Variants in PYGO1 observed in about 807,000 individuals in gnomAD.
PYGO1 encodes the protein pygopus family PHD finger 1.
PYGO1 carries 6 observed loss-of-function variants against 29.5 expected under a neutral mutation model. The observed-to-expected ratio is 0.20, with a 90% CI of 0.11 to 0.40. The LOEUF is 0.40. Among genes scored for constraint, PYGO1 ranks in the 10% least tolerant of loss-of-function variants. The pLI is 1.00. For synonymous variants in PYGO1, 186 were observed against 180.5 expected (o/e 1.03, Z -0.24); for missense variants, 515 against 514.9 (o/e 1.00, Z 0.00).
intron 1 of PYGO1, among the ~76,000 whole-genome samples, chr15:55,558,986 G>A (rs1349222912): frequency 6.6e-6 from 1 of 151,904 alleles, no homozygotes; most frequent in Non-Finnish European, 1.5e-5. Context: ...TGACAAATGG[G>A]ATCTAATTAA....
chr15:55,560,932 G>A (rs11634048), intron 1 of PYGO1, among the ~76,000 whole-genome samples: 8,189 of 152,068 alleles, frequency 0.054, 277 homozygotes, highest in Non-Finnish European at 0.068. Flanking sequence ...CAGCCTGGGC[G>A]ACAGAGCAAG....
chr15:55,564,391 T>G (rs2058946378), intron 1 of PYGO1, among the ~76,000 whole-genome samples: 1 of 152,176 alleles, frequency 6.6e-6, no homozygotes, highest in Non-Finnish European at 1.5e-5. Flanking sequence ...AAAAACAGAT[T>G]AGTAGTTGAC....
At chr15:55,562,577 G>A (rs1208800888) in intron 1 of PYGO1, among the ~76,000 whole-genome samples, 8 of 151,814 alleles carry the variant, frequency 5.3e-5, no homozygotes, top group East Asian at 1.9e-4. Flanking sequence ...AGGCTGAGGC[G>A]GAAGAATCAC....
chr15:55,560,600 C>T (rs922384141), intron 1 of PYGO1, among the ~76,000 whole-genome samples: 1 of 152,214 alleles, frequency 6.6e-6, no homozygotes, highest in African/African-American at 2.4e-5. Context: ...AATGGCCATA[C>T]TGCCCAAAGT....
intron 1 of PYGO1, among the ~76,000 whole-genome samples, chr15:55,582,981 C>T (rs951266981): frequency 1.3e-5 from 2 of 152,024 alleles, no homozygotes; most frequent in African/African-American, 2.4e-5. Context: ...CATTTCTGTA[C>T]TACTCCATTC....
chr15:55,563,629 C>T (rs562943601), intron 1 of PYGO1, among the ~76,000 whole-genome samples: 37 of 152,120 alleles, frequency 2.4e-4, no homozygotes, highest in African/African-American at 7.0e-4. Flanking sequence ...GGATTACAGG[C>T]GTGAGCCACC....
At chr15:55,557,033 C>CA (rs778755724) in intron 1 of PYGO1, among the ~76,000 whole-genome samples, 6 of 151,856 alleles carry the variant, frequency 4.0e-5, no homozygotes, top group Non-Finnish European at 8.8e-5. Flanking sequence ...CAGGACCAGA[C>CA]AGATTTACAG....
At chr15:55,576,478 AAAAAG>A (rs1341855082) in intron 1 of PYGO1, among the ~76,000 whole-genome samples, 10 of 110,322 alleles carry the variant, frequency 9.1e-5, no homozygotes, top group Admixed American at 2.9e-4. Context: ...AAAAAAAAAA[AAAAAG>A]AGAGAGGCCG....
chr15:55,561,625 G>T (rs1397446123), intron 1 of PYGO1, among the ~76,000 whole-genome samples: 1 of 151,960 alleles, frequency 6.6e-6, no homozygotes, highest in Non-Finnish European at 1.5e-5. Context: ...TAATACCTGG[G>T]GTTTACAATT....
intron 1 of PYGO1, among the ~76,000 whole-genome samples, chr15:55,554,347 C>T (rs1274291086): frequency 1.3e-5 from 2 of 151,682 alleles, no homozygotes; most frequent in African/African-American, 4.8e-5. Context: ...TGGGCACCTG[C>T]AGTCCCAGCT....
rs1252081747 is a variant in PYGO1, at chr15:55,588,272, C to T, written c.-389G>A. 6.7e-6 allele frequency among the ~76,000 whole-genome samples: 1 copy of T among 149,122 alleles called. No homozygotes were observed. Among genetic ancestry groups the T allele is most frequent in the Non-Finnish European group, 1.5e-5 (1 of 66,904 alleles). On this transcript the variant is annotated 5_prime_UTR_variant, in exon 1 of 3. Coordinates refer to ENST00000563719, the MANE Select transcript of PYGO1 (RefSeq NM_001367806.1). ...CAGGGGAAGCAGGAGGCTCGCGGCC[C>T]GGCCCTGGCGGCACACTCACAGCGC...
Position 55,557,766 on chromosome 15 carries a change from C to A in PYGO1, c.50-8771G>T, listed in dbSNP as rs563915626. Among the ~76,000 whole-genome samples the A allele has an allele frequency of 5.1e-3, 782 of 152,098 alleles. 7 individuals are homozygous for A. Among genetic ancestry groups the A allele is most frequent in the African/African-American group, 0.017 (700 of 41,496 alleles). ...ACCACATGATTATCTCAATAGATGC[C>A]GCAAAGACCTTCACAAAATTCAACA... On this transcript the variant is annotated intron_variant, in intron 1 of 2. Coordinates refer to ENST00000563719, the MANE Select transcript of PYGO1 (RefSeq NM_001367806.1).
chr15:55,550,895 G>C (rs550028769), intron 1 of PYGO1, among the ~76,000 whole-genome samples: 173 of 152,262 alleles, frequency 1.1e-3, no homozygotes, highest in Non-Finnish European at 7.6e-4. Context: ...TTTGACACCA[G>C]GGACCAGTGG....
intron 1 of PYGO1, among the ~76,000 whole-genome samples, chr15:55,555,982 AC>A (rs1292731046): frequency 2.0e-5 from 3 of 152,104 alleles, no homozygotes; most frequent in Non-Finnish European, 4.4e-5. Context: ...TGCACCCAAC[AC>A]AGGAGCACCC....
chr15:55,565,831 G>A (rs2058954028), intron 1 of PYGO1, among the ~76,000 whole-genome samples: 1 of 152,146 alleles, frequency 6.6e-6, no homozygotes, highest in South Asian at 2.1e-4. Flanking sequence ...CCACCAGGCT[G>A]GAGTGCAGTG....
rs544099435 is a variant in PYGO1, at chr15:55,575,132, A to T, written c.49+12703T>A. ...CAGAGTTGTGTCTTTCTGACTCGAA[A>T]GCCTATATATGAAGTTTTAAACTAT... On this transcript the variant is annotated intron_variant, in intron 1 of 2. Transcript: ENST00000563719. Among the ~76,000 whole-genome samples, 3 of 152,322 alleles carry T rather than the reference A, an allele frequency of 2.0e-5. No individual in the cohort carries two copies. In the South Asian group the frequency reaches 6.2e-4, roughly 32 times the overall value.
chr15:55,577,942 T>G (rs955937168), intron 1 of PYGO1, among the ~76,000 whole-genome samples: 1 of 152,020 alleles, frequency 6.6e-6, no homozygotes, highest in Non-Finnish European at 1.5e-5. Context: ...GCTTGGTGAA[T>G]TTTTTTATTT....
At chr15:55,570,196 T>C (rs1256650894) in intron 1 of PYGO1, among the ~76,000 whole-genome samples, 1 of 152,208 alleles carries the variant, frequency 6.6e-6, no homozygotes, top group African/African-American at 2.4e-5. Context: ...CTCTCTGGGA[T>C]TGAGGGTGTC....
Position 55,587,837 on chromosome 15 carries a change from C to G in PYGO1, c.47G>C (p.Arg16Pro). 1 of 1,492,916 alleles carries G rather than the reference C, an allele frequency of 6.7e-7. No individual in the cohort carries two copies. Among genetic ancestry groups the G allele is most frequent in the Non-Finnish European group, 8.9e-7 (1 of 1,124,194 alleles). The allele number at this position is 1,492,916 out of a possible 1,614,324, so 92.5% of individuals were successfully genotyped here. A position where few individuals can be genotyped will look rare whatever the true frequency, so the allele number is the denominator to read the frequency against. Residue 16 changes from arginine to proline, a missense_variant and splice_region_variant, in exon 1 of 3, where the codon CGA becomes CCA. Coordinates refer to ENST00000563719, the MANE Select transcript of PYGO1 (RefSeq NM_001367806.1). ...EKDPISLKRV[R>P]GGDSGLDGLG... ...AATCCGGCACCCTTCTCGGTTACCT[C>G]GAACTCTCTTCAGCGAAATGGGATC...
Sources: gnomAD v4.1 joint callset for allele counts (sites outside exome capture counted in the v4.1 genomes callset) on GRCh38, gnomAD v4.1.1 for gene constraint, MANE v1.5 for transcripts, NCBI Gene and HGNC (gene_info 2026-07-23, HGNC 2026-07-21) for gene names.